HNRNPC: variants seen among roughly 807,000 people sequenced by gnomAD.
HNRNPC encodes heterogeneous nuclear ribonucleoprotein C, also known as heterogeneous nuclear ribonucleoproteins C1/C2.
In HNRNPC, 3 loss-of-function variants were observed where a neutral mutation model predicts 33.2. That is an observed-to-expected ratio of 0.09 (90% CI 0.04 to 0.23). The LOEUF is 0.23. Among genes scored for constraint, HNRNPC ranks in the 10% least tolerant of loss-of-function variants. The pLI, the probability that HNRNPC is intolerant of heterozygous loss-of-function variation, is 1.00. For missense variants in HNRNPC, 143 were observed against 366.7 expected (o/e 0.39, Z 4.98); for synonymous variants, 121 against 126.7 (o/e 0.96, Z 0.30).
At chr14:21,233,574 C>G (rs577198407) in intron 3 of HNRNPC, among the ~76,000 whole-genome samples, 1 of 152,114 alleles carries the variant, frequency 6.6e-6, no homozygotes, top group Non-Finnish European at 1.5e-5. Context: ...AACACTGAGC[C>G]AAACTGCAGT....
chr14:21,261,932 A>G (rs1290137434), intron 2 of HNRNPC, among the ~76,000 whole-genome samples: 1 of 152,160 alleles, frequency 6.6e-6, no homozygotes, highest in Non-Finnish European at 1.5e-5. Context: ...CCTTCTTAAC[A>G]TCAGAACACA....
intron 2 of HNRNPC, among the ~76,000 whole-genome samples, chr14:21,245,849 T>C (rs1200530677): frequency 6.6e-6 from 1 of 152,098 alleles, no homozygotes; most frequent in Non-Finnish European, 1.5e-5. Context: ...TAATCTCTTT[T>C]ACTTTTTAGT....
chr14:21,241,883 G>GGCTACTT (rs1263753923), intron 2 of HNRNPC, among the ~76,000 whole-genome samples: 2 of 152,118 alleles, frequency 1.3e-5, no homozygotes, highest in East Asian at 3.8e-4. Flanking sequence ...AAACAAAGTT[G>GGCTACTT]GCTACTTTTA....
At chr14:21,220,492 G>C (rs1892706641) in intron 5 of HNRNPC, among the ~76,000 whole-genome samples, 2 of 152,272 alleles carry the variant, frequency 1.3e-5, no homozygotes, top group South Asian at 4.1e-4. Flanking sequence ...GCCTCCCAAA[G>C]TGCTGGGATT....
intron 1 of HNRNPC, among the ~76,000 whole-genome samples, chr14:21,267,861 C>T (rs1879276392): frequency 6.6e-6 from 1 of 152,148 alleles, no homozygotes; most frequent in South Asian, 2.1e-4. Flanking sequence ...TCATGATTTC[C>T]CATTTTTACC....
At position 21,213,100 on chromosome 14, in the gene HNRNPC, G is replaced by T. The variant is rs890805780; in HGVS notation, c.383C>A (p.Ala128Glu). The change falls in exon 6 of 9, where the codon GCA (alanine) becomes GAA (glutamate). Residue 128 changes from alanine to glutamate, a missense_variant. Transcript: ENST00000553300. ...AATAGGAGGAGGAGGAGGTACACGTGCTGGGTAACTGTACATCCTATTGGA... is the reference window on the plus strand; with the variant it reads ...AATAGGAGGAGGAGGAGGTACACGTTCTGGGTAACTGTACATCCTATTGGA... The part of the protein sequence containing the change: ...DYYDRMYSYP[A>E]RVPPPPPIAR... 1 of 1,613,994 alleles carries T rather than the reference G, an allele frequency of 6.2e-7. No homozygotes were observed. The highest frequency in any genetic ancestry group is 8.5e-7 in the Non-Finnish European group (1 of 1,179,986).
At chr14:21,249,397 A>C (rs1308455702) in intron 2 of HNRNPC, among the ~76,000 whole-genome samples, 3 of 150,148 alleles carry the variant, frequency 2.0e-5, no homozygotes, top group Non-Finnish European at 4.4e-5. Flanking sequence ...CAACATGGTG[A>C]AACCCTATCT....
rs1891552372 is a variant in HNRNPC, at chr14:21,211,192, TG to T, written c.*30del. 1.9e-6 allele frequency: 3 copies of T among 1,605,410 alleles called. No homozygotes were observed. In the Admixed American group the frequency reaches 5.0e-5, roughly 27 times the overall value. On this transcript the variant is annotated 3_prime_UTR_variant, in exon 9 of 9. Coordinates refer to ENST00000553300, the MANE Select transcript of HNRNPC (RefSeq NM_004500.4). ...GACAAGCGCCTAGGTAAAGAAATAATGGGATAAGATTTCTAAACCCCACTAT... is the reference window on the plus strand; with the variant it reads ...GACAAGCGCCTAGGTAAAGAAATAATGGATAAGATTTCTAAACCCCACTAT...
At chr14:21,217,108 TGG>T (rs1892273650) in intron 5 of HNRNPC, among the ~76,000 whole-genome samples, 3 of 152,182 alleles carry the variant, frequency 2.0e-5, no homozygotes, top group Admixed American at 1.3e-4. Flanking sequence ...TTTCAGCCGG[TGG>T]GGCTTTTAGT....
intron 2 of HNRNPC, among the ~76,000 whole-genome samples, chr14:21,243,788 G>C (rs982791220): frequency 6.6e-6 from 1 of 151,964 alleles, no homozygotes; most frequent in African/African-American, 2.4e-5. Context: ...ATAAATCTGT[G>C]ACAAAAGATA....
In HNRNPC at chr14:21,211,033, G is replaced by A. The variant is rs796315888; in HGVS notation, c.*190C>T. Reference sequence around the variant, plus strand: ...AAGACTTAACAAAACTACTAGGAGCGTCAAAGGAAGTGAAAATGGGACTAG... The same window carrying A: ...AAGACTTAACAAAACTACTAGGAGCATCAAAGGAAGTGAAAATGGGACTAG... On this transcript the variant is annotated 3_prime_UTR_variant, in exon 9 of 9. Coordinates refer to ENST00000553300, the MANE Select transcript of HNRNPC (RefSeq NM_004500.4). 2.8e-5 allele frequency: 17 copies of A among 618,156 alleles called. No homozygotes were observed. Among genetic ancestry groups the A allele is most frequent in the South Asian group, 2.3e-4 (11 of 48,332 alleles). 38.3% of individuals were successfully genotyped at this position (618,156 alleles called of 1,614,324 possible). A position where few individuals can be genotyped will look rare whatever the true frequency, so the allele number is the denominator to read the frequency against.
intron 2 of HNRNPC, among the ~76,000 whole-genome samples, chr14:21,244,792 C>T (rs939699395): frequency 1.3e-5 from 2 of 152,136 alleles, no homozygotes; most frequent in African/African-American, 4.8e-5. Flanking sequence ...AGACTACAAA[C>T]CTGCATAGCA....
At chr14:21,217,686 G>C (rs1892340013) in intron 5 of HNRNPC, among the ~76,000 whole-genome samples, 1 of 152,094 alleles carries the variant, frequency 6.6e-6, no homozygotes, top group Non-Finnish European at 1.5e-5. Context: ...TATTCTATCA[G>C]AAAGAATTAC....
At chr14:21,220,968 C>T (rs953331874) in intron 5 of HNRNPC, among the ~76,000 whole-genome samples, 7 of 151,986 alleles carry the variant, frequency 4.6e-5, no homozygotes, top group South Asian at 2.1e-4. Flanking sequence ...GCCGGTATTC[C>T]CAGGAACTCA....
intron 2 of HNRNPC, among the ~76,000 whole-genome samples, chr14:21,255,036 G>C (rs1007138279): frequency 6.6e-6 from 1 of 151,988 alleles, no homozygotes; most frequent in Admixed American, 6.6e-5. Flanking sequence ...TTTTCTTCTC[G>C]CTCTGAAGCT....
At chr14:21,218,320 A>G (rs758047382) in intron 5 of HNRNPC, among the ~76,000 whole-genome samples, 102 of 152,196 alleles carry the variant, frequency 6.7e-4, no homozygotes, top group Non-Finnish European at 1.6e-4. Context: ...ACATACTCCC[A>G]TATGTCAGTG....
chr14:21,209,711 T>C lies in HNRNPC; in HGVS notation c.*1512A>G, dbSNP rs1262849121. 6.6e-6 allele frequency: 1 copy of C among 152,188 alleles called. No individual in the cohort carries two copies. The highest frequency in any genetic ancestry group is 1.5e-5 in the Non-Finnish European group (1 of 68,028). The allele number at this position is 152,188 out of a possible 1,614,324, so 9.4% of individuals were successfully genotyped here. On this transcript the variant is annotated 3_prime_UTR_variant, in exon 9 of 9. Coordinates refer to ENST00000553300, the MANE Select transcript of HNRNPC (RefSeq NM_004500.4). ...AATGAGTAGGATGAAAAAAGGCCAG[T>C]GCCGCATGCTATGAAACAATAGCAA...
At position 21,259,012 on chromosome 14, in the gene HNRNPC, C is replaced by G. The variant is rs1194928360; in HGVS notation, c.-37+4299G>C. 2.6e-5 allele frequency among the ~76,000 whole-genome samples: 4 copies of G among 152,190 alleles called. No individual in the cohort carries two copies. The South Asian group carries it at 8.3e-4, about 31-fold the overall frequency. The stretch of plus-strand genomic sequence containing the variant: ...CTTCTTCAAAATCCTTCAATAGATT[C>G]TACTTGTGCCCAAGACAGGATCTTA... On this transcript the variant is annotated intron_variant, in intron 2 of 8. Transcript: ENST00000553300.
At position 21,226,430 on chromosome 14, in the gene HNRNPC, T is replaced by G. The variant is rs538130499; in HGVS notation, c.365+3889A>C. On this transcript the variant is annotated intron_variant, in intron 5 of 8. Coordinates refer to ENST00000553300, the MANE Select transcript of HNRNPC (RefSeq NM_004500.4). The stretch of plus-strand genomic sequence containing the variant: ...CCTACCTAAGGACTTAAAGATCTAT[T>G]TTTAGAGTACTTCCCAATCTCGCTT... 7.2e-5 allele frequency among the ~76,000 whole-genome samples: 11 copies of G among 152,178 alleles called. No individual in the cohort carries two copies. In the South Asian group the frequency reaches 2.3e-3, roughly 32 times the overall value.
Sources: gnomAD v4.1 joint callset for allele counts (sites outside exome capture counted in the v4.1 genomes callset) on GRCh38, gnomAD v4.1.1 for gene constraint, MANE v1.5 for transcripts, NCBI Gene and HGNC (gene_info 2026-07-23, HGNC 2026-07-21) for gene names.